The following COQ10B variants were observed in gnomAD, a reference collection of about 807,000 sequenced individuals.
COQ10B encodes the protein coenzyme Q10B, also known as coenzyme Q-binding protein COQ10 homolog B, mitochondrial.
A neutral mutation model predicts 27.6 loss-of-function variants in COQ10B; 12 were observed. That is an observed-to-expected ratio of 0.43 (90% CI 0.28 to 0.70). The LOEUF (loss-of-function observed/expected upper bound fraction) is 0.70, where lower values mean the gene tolerates loss of function less well. COQ10B is among the 30% of genes least tolerant of loss of function. The pLI is 0.17. For missense variants in COQ10B, 278 were observed against 288.7 expected (o/e 0.96, Z 0.27); for synonymous variants, 115 against 103.0 (o/e 1.12, Z -0.71).
At chr2:197,460,331 A>G (rs1021487476) in intron 2 of COQ10B, among the ~76,000 whole-genome samples, 9 of 151,168 alleles carry the variant, frequency 6.0e-5, no homozygotes, top group Non-Finnish European at 1.2e-4. Context: ...CCTCCCGAGT[A>G]GCAGGCACAT....
At chr2:197,468,442 CAA>C (rs760008326) in intron 3 of COQ10B, among the ~76,000 whole-genome samples, 177 of 63,928 alleles carry the variant, frequency 2.8e-3, no homozygotes, top group African/African-American at 1.0e-2. Flanking sequence ...GACTCCGTCT[CAA>C]AAAAAAAAAA....
At chr2:197,453,888 G>T in intron 1 of COQ10B, 2 of 1,432,698 alleles carry the variant, frequency 1.4e-6, no homozygotes, top group Non-Finnish European at 9.5e-7. Flanking sequence ...CGTGAGAGGC[G>T]GTGAATCATC....
At chr2:197,459,180 T>C (rs1267977273) in intron 1 of COQ10B, among the ~76,000 whole-genome samples, 1 of 152,204 alleles carries the variant, frequency 6.6e-6, no homozygotes, top group Non-Finnish European at 1.5e-5. Context: ...TTTTTGCTTT[T>C]GTTGAGATAG....
In COQ10B at chr2:197,473,914, A is replaced by G. The variant is rs1483010849; in HGVS notation, c.707A>G (p.His236Arg). 1.3e-6 allele frequency: 2 copies of G among 1,554,452 alleles called. No individual in the cohort carries two copies. Among genetic ancestry groups the G allele is most frequent in the Non-Finnish European group, 8.7e-7 (1 of 1,147,102 alleles). Reference sequence around the variant, plus strand: ...CGGGAGTTAATGCTTCATGAAGTCCATCACACATAAAGGCAAAAAAGAACT... The same window carrying G: ...CGGGAGTTAATGCTTCATGAAGTCCGTCACACATAAAGGCAAAAAAGAACT... ...IPRELMLHEV[H>R]HT Residue 236 changes from histidine (H) to arginine (R), a missense_variant, in exon 5 of 5, where the codon CAT (histidine) becomes CGT (arginine). Transcript: ENST00000263960.
intron 3 of COQ10B, among the ~76,000 whole-genome samples, chr2:197,469,245 C>T (rs2085856398): frequency 6.6e-6 from 1 of 152,192 alleles, no homozygotes; most frequent in South Asian, 2.1e-4. Context: ...CGTTCTGTTG[C>T]CCAGGCTGGA....
Position 197,455,799 on chromosome 2 carries a change from A to C in COQ10B, c.104+2135A>C, listed in dbSNP as rs187549211. On this transcript the variant is annotated intron_variant, in intron 1 of 4. Transcript: ENST00000263960. Reference sequence around the variant, plus strand: ...ACATAGCAAGACCTTGTTTCTACAAATAAGTAAAAAATTGGCAGGGCTTGG... The same window carrying C: ...ACATAGCAAGACCTTGTTTCTACAACTAAGTAAAAAATTGGCAGGGCTTGG... Among the ~76,000 whole-genome samples the C allele has an allele frequency of 3.3e-5, 5 of 152,246 alleles. No individual in the cohort carries two copies. The East Asian group carries it at 9.7e-4, about 29-fold the overall frequency.
At position 197,474,015 on chromosome 2, in the gene COQ10B, G is replaced by A. The variant is rs1399133257; in HGVS notation, c.*91G>A. 11 of 1,132,318 alleles carry A rather than the reference G, an allele frequency of 9.7e-6. No homozygotes were observed. Among genetic ancestry groups the A allele is most frequent in the Non-Finnish European group, 1.3e-5 (11 of 842,560 alleles). The allele number at this position is 1,132,318 out of a possible 1,614,324, so 70.1% of individuals were successfully genotyped here. Reference sequence around the variant, plus strand: ...ATGACATGTTTTCAGAAGCCAGAAAGCATTTGTTAAACGCAGCTTTGGTTA... The same window carrying A: ...ATGACATGTTTTCAGAAGCCAGAAAACATTTGTTAAACGCAGCTTTGGTTA... On this transcript the variant is annotated 3_prime_UTR_variant, in exon 5 of 5. Coordinates refer to ENST00000263960, the MANE Select transcript of COQ10B (RefSeq NM_025147.5).
chr2:197,464,140 G>A (rs564339639), intron 3 of COQ10B, among the ~76,000 whole-genome samples: 2 of 147,792 alleles, frequency 1.4e-5, no homozygotes, highest in Non-Finnish European at 3.0e-5. Context: ...CAAGTACCAG[G>A]TACTGAAATG....
chr2:197,473,393 C>G (rs57703054), intron 4 of COQ10B, among the ~76,000 whole-genome samples: 3,378 of 120,802 alleles, frequency 0.028, 198 homozygotes, highest in African/African-American at 0.11. Context: ...TTCTCTACGC[C>G]CCCCCCCACA....
intron 3 of COQ10B, among the ~76,000 whole-genome samples, chr2:197,468,757 T>C (rs1174099998): frequency 6.6e-6 from 1 of 151,934 alleles, no homozygotes; most frequent in African/African-American, 2.4e-5. Flanking sequence ...CAGGAGTTCA[T>C]TACCAGCCTG....
In COQ10B at chr2:197,461,404, G is replaced by A. The variant is rs569778845; in HGVS notation, c.255-1135G>A. Among the ~76,000 whole-genome samples, 9 of 152,290 alleles carry A rather than the reference G, an allele frequency of 5.9e-5. No individual in the cohort carries two copies. In the East Asian group the frequency reaches 1.7e-3, roughly 29 times the overall value. ...CTAATTGTGACCCCATCTAAACGCA[G>A]TGGAAATGAGGACTGGGAATTGTTG... is the stretch of plus-strand genomic sequence containing the variant. On this transcript the variant is annotated intron_variant, in intron 2 of 4. Coordinates refer to ENST00000263960, the MANE Select transcript of COQ10B (RefSeq NM_025147.5).
At chr2:197,462,024 C>T (rs13013372) in intron 2 of COQ10B, among the ~76,000 whole-genome samples, 1 of 151,886 alleles carries the variant, frequency 6.6e-6, no homozygotes, top group African/African-American at 2.4e-5. Flanking sequence ...AATCCCAGCA[C>T]TTTGGGAGGC....
At chr2:197,470,401 A>G (rs1456650683) in intron 4 of COQ10B, among the ~76,000 whole-genome samples, 3 of 152,226 alleles carry the variant, frequency 2.0e-5, no homozygotes, top group African/African-American at 7.2e-5. Flanking sequence ...AACCAGCTTA[A>G]TAACAGTTTT....
chr2:197,454,611 A>T (rs1395214568), intron 1 of COQ10B, among the ~76,000 whole-genome samples: 2 of 152,154 alleles, frequency 1.3e-5, no homozygotes, highest in Non-Finnish European at 1.5e-5. Flanking sequence ...GCTTTAGGAA[A>T]TAACCTCAAA....
Position 197,462,604 on chromosome 2 carries a change from G to T in COQ10B, c.320G>T (p.Trp107Leu). Residue 107 changes from tryptophan to leucine, a missense_variant, in exon 3 of 5, where the codon TGG becomes TTG. By Grantham distance (61) the Trp-to-Leu change is moderately conservative. Coordinates refer to ENST00000263960, the MANE Select transcript of COQ10B (RefSeq NM_025147.5). ...GAGGATTACAAGCATTTTGTTCCTT[G>T]GTGCAAAAAATCAGATGTTATATCA... ...GVEDYKHFVP[W>L]CKKSDVISKR... 6.3e-7 allele frequency: 1 copy of T among 1,596,474 alleles called. No individual in the cohort carries two copies. The highest frequency in any genetic ancestry group is 8.6e-7 in the Non-Finnish European group (1 of 1,168,462).
chr2:197,467,240 C>A (rs2085833977), intron 3 of COQ10B, among the ~76,000 whole-genome samples: 2 of 151,076 alleles, frequency 1.3e-5, no homozygotes. Context: ...AGCCACCATG[C>A]CTGGCCTGGG....
At chr2:197,467,397 G>C in intron 3 of COQ10B, among the ~76,000 whole-genome samples, 1 of 151,972 alleles carries the variant, frequency 6.6e-6, no homozygotes, top group African/African-American at 2.4e-5. Flanking sequence ...GATTGATTAA[G>C]ATGGAGTTTC....
At chr2:197,473,473 T>C (rs2085905492) in intron 4 of COQ10B, among the ~76,000 whole-genome samples, 1 of 135,036 alleles carries the variant, frequency 7.4e-6, no homozygotes, top group South Asian at 2.3e-4. Flanking sequence ...TATGTATATA[T>C]ACACGTATAT....
intron 1 of COQ10B, among the ~76,000 whole-genome samples, chr2:197,458,683 T>G (rs1317797210): frequency 7.2e-6 from 1 of 138,138 alleles, no homozygotes; most frequent in Non-Finnish European, 1.6e-5. Context: ...TTCTTTTCTC[T>G]TTTTTTTTTT....
Sources: gnomAD v4.1 joint callset for allele counts (sites outside exome capture counted in the v4.1 genomes callset) on GRCh38, gnomAD v4.1.1 for gene constraint, MANE v1.5 for transcripts, NCBI Gene and HGNC (gene_info 2026-07-23, HGNC 2026-07-21) for gene names.